The following RALGAPB variants were observed in gnomAD, a reference collection of about 807,000 sequenced individuals.
RALGAPB encodes the protein Ral GTPase activating protein non-catalytic subunit beta, also known as ral GTPase-activating protein subunit beta.
A neutral mutation model predicts 161.1 loss-of-function variants in RALGAPB; 25 were observed. The observed-to-expected ratio is 0.16, with a 90% CI of 0.11 to 0.22. The LOEUF (loss-of-function observed/expected upper bound fraction) is 0.22. Among genes scored for constraint, RALGAPB ranks in the 10% least tolerant of loss-of-function variants. RALGAPB has a pLI of 1.00. For missense variants in RALGAPB, 1,391 were observed against 1,815.2 expected (o/e 0.77, Z 4.25); for synonymous variants, 629 against 626.1 (o/e 1.00, Z -0.07).
intron 22 of RALGAPB, 52 bp from the exon 23 acceptor site, chr20:38,558,243 T>A: frequency 7.3e-7 from 1 of 1,379,172 alleles, no homozygotes. Context: ...TTTATAATTA[T>A]AACAATGAAA....
Position 38,562,711 on chromosome 20 carries a change from T to C in RALGAPB, c.3697+14T>C. Reference sequence around the variant, plus strand: ...GATCTCAACAAGGTAAAACTCACAGTGTTTCAAATGTCAGTTGTTTCTTGT... The same window carrying C: ...GATCTCAACAAGGTAAAACTCACAGCGTTTCAAATGTCAGTTGTTTCTTGT... On this transcript the variant is annotated intron_variant, in intron 24 of 29. Coordinates refer to ENST00000262879, the MANE Select transcript of RALGAPB (RefSeq NM_020336.4). 6.4e-6 allele frequency: 10 copies of C among 1,574,644 alleles called. No individual in the cohort carries two copies. The highest frequency in any genetic ancestry group is 8.6e-6 in the Non-Finnish European group (10 of 1,164,468).
rs758333120 is a variant in RALGAPB at position 38,517,477 on chromosome 20, AT to A, written c.1052-26del. 5.2e-6 allele frequency: 8 copies of A among 1,531,900 alleles called. No homozygotes were observed. In the East Asian group the frequency reaches 1.8e-4, roughly 35 times the overall value. The allele number at this position is 1,531,900 out of a possible 1,614,324, so 94.9% of individuals were successfully genotyped here. A position where few individuals can be genotyped will look rare whatever the true frequency, so the allele number is the denominator to read the frequency against. On this transcript the variant is annotated intron_variant, in intron 7 of 29. Transcript: ENST00000262879. ...CATATATTTTGACCTATGAAGAATAATTTCATTTGTCTTTTTTTTTTTTTTA... is the reference window on the plus strand; with the variant it reads ...CATATATTTTGACCTATGAAGAATAATTCATTTGTCTTTTTTTTTTTTTTA...
intron 10 of RALGAPB, 100 bp downstream of exon 10, chr20:38,521,798 C>A: frequency 8.4e-7 from 1 of 1,194,840 alleles, no homozygotes; most frequent in Non-Finnish European, 1.2e-6. Flanking sequence ...GTCTGAAATA[C>A]CTACAGATGT....
intron 22 of RALGAPB, among the ~76,000 whole-genome samples, chr20:38,557,037 C>A (rs1354122540): frequency 6.6e-6 from 1 of 152,186 alleles, no homozygotes; most frequent in Non-Finnish European, 1.5e-5. Flanking sequence ...GCTAGACTCA[C>A]AATCCTTGTC....
chr20:38,533,680 T>C (rs936998270), intron 15 of RALGAPB, among the ~76,000 whole-genome samples: 3 of 152,212 alleles, frequency 2.0e-5, no homozygotes, highest in African/African-American at 7.2e-5. Context: ...TCCTTGAACA[T>C]GTCAGATATA....
At chr20:38,503,686 GT>G (rs1338454182) in intron 5 of RALGAPB, among the ~76,000 whole-genome samples, 3 of 152,216 alleles carry the variant, frequency 2.0e-5, no homozygotes, top group African/African-American at 7.2e-5. Flanking sequence ...TAATGGCAGA[GT>G]TTGAGAGGAT....
At chr20:38,505,063 C>G (rs150915979) in intron 5 of RALGAPB, among the ~76,000 whole-genome samples, 1 of 152,346 alleles carries the variant, frequency 6.6e-6, no homozygotes, top group African/African-American at 2.4e-5. Context: ...TTCAACCCAG[C>G]TATCCCATTG....
At chr20:38,527,143 GCTTT>G (rs1243046414) in intron 13 of RALGAPB, among the ~76,000 whole-genome samples, 2 of 152,164 alleles carry the variant, frequency 1.3e-5, no homozygotes, top group African/African-American at 4.8e-5. Context: ...GTGGTTAGAG[GCTTT>G]CTTTCTTCTC....
At chr20:38,546,563 A>G in intron 19 of RALGAPB, 133 bp downstream of exon 19, 1 of 1,246,702 alleles carries the variant, frequency 8.0e-7, no homozygotes, top group South Asian at 1.5e-5. Context: ...CTGTGGGACA[A>G]TAGCACCTGA....
intron 21 of RALGAPB, among the ~76,000 whole-genome samples, chr20:38,552,175 T>C (rs2087399544): frequency 6.6e-6 from 1 of 151,016 alleles, no homozygotes; most frequent in Admixed American, 6.6e-5. Context: ...AGTTTCGCTC[T>C]TGTTGCCCAG....
chr20:38,525,288 T>C (rs770126502), intron 11 of RALGAPB, 116 bp from the exon 12 acceptor site: 5 of 737,430 alleles, frequency 6.8e-6, no homozygotes, highest in Non-Finnish European at 9.4e-6. Context: ...CTTAGAAATA[T>C]ACAATATACA....
chr20:38,546,042 G>A (rs919779164), intron 18 of RALGAPB, among the ~76,000 whole-genome samples: 3 of 152,088 alleles, frequency 2.0e-5, no homozygotes, highest in Admixed American at 2.0e-4. Flanking sequence ...TATGCATCTG[G>A]GGTAATGGGC....
At chr20:38,530,484 A>G (rs1451913740) in intron 13 of RALGAPB, among the ~76,000 whole-genome samples, 1 of 151,396 alleles carries the variant, frequency 6.6e-6, no homozygotes, top group Non-Finnish European at 1.5e-5. Context: ...TCAAACTCCT[A>G]GGACTTCAAG....
At chr20:38,543,353 CTT>C (rs2087039635) in intron 18 of RALGAPB, among the ~76,000 whole-genome samples, 1 of 152,204 alleles carries the variant, frequency 6.6e-6, no homozygotes, top group South Asian at 2.1e-4. Context: ...GTTAAACAGA[CTT>C]TATTTTTGTA....
intron 5 of RALGAPB, among the ~76,000 whole-genome samples, chr20:38,502,667 C>T (rs564071649): frequency 1.6e-4 from 24 of 152,294 alleles, no homozygotes; most frequent in African/African-American, 5.8e-4. Context: ...CTCACTGCAA[C>T]CTCTGCCTCA....
rs145744739 is a variant in RALGAPB, at chr20:38,546,779, G to A, written c.2902+349G>A. 865 of 228,218 alleles carry A rather than the reference G, an allele frequency of 3.8e-3. 10 individuals are homozygous for A. The highest frequency in any genetic ancestry group is 0.017 in the African/African-American group (769 of 44,082). 14.1% of individuals were successfully genotyped at this position (228,218 alleles called of 1,614,324 possible). A position where few individuals can be genotyped will look rare whatever the true frequency, so the allele number is the denominator to read the frequency against. ...CCCTCCCTCTCACTCCTCATGTTCTGTATCAATTGTTGGTGCTACCTACAC... is the reference window on the plus strand; with the variant it reads ...CCCTCCCTCTCACTCCTCATGTTCTATATCAATTGTTGGTGCTACCTACAC... On this transcript the variant is annotated intron_variant, in intron 19 of 29. Transcript: ENST00000262879.
At chr20:38,519,425 A>G (rs768513535) in intron 9 of RALGAPB, among the ~76,000 whole-genome samples, 1 of 152,232 alleles carries the variant, frequency 6.6e-6, no homozygotes, top group African/African-American at 2.4e-5. Context: ...AATTCTTACA[A>G]TGTAACTTTT....
intron 22 of RALGAPB, among the ~76,000 whole-genome samples, chr20:38,556,400 A>G (rs2087587553): frequency 1.3e-5 from 2 of 152,184 alleles, no homozygotes; most frequent in African/African-American, 2.4e-5. Context: ...AGAGGTAAAA[A>G]TCATTGGAAA....
chr20:38,542,873 A>C (rs1463252532), intron 18 of RALGAPB, among the ~76,000 whole-genome samples: 1 of 152,136 alleles, frequency 6.6e-6, no homozygotes, highest in African/African-American at 2.4e-5. Context: ...CAGAAAAAAA[A>C]AAGTGTCATA....
Sources: allele counts gnomAD v4.1 joint callset (sites outside exome capture counted in the v4.1 genomes callset), GRCh38; gene constraint gnomAD v4.1.1; transcripts MANE v1.5; gene names NCBI Gene and HGNC (gene_info 2026-07-23, HGNC 2026-07-21).